The following EXOC6 variants were observed in gnomAD, a reference collection of about 807,000 sequenced individuals.
EXOC6 encodes the protein exocyst complex component 6, also known as SEC15-like 1.
A neutral mutation model predicts 112.5 loss-of-function variants in EXOC6; 60 were observed. The observed-to-expected ratio is 0.53, with a 90% CI of 0.43 to 0.66. EXOC6 has a LOEUF of 0.66. Among genes scored for constraint, EXOC6 ranks in the 30% least tolerant of loss-of-function variants. The probability of loss-of-function intolerance (pLI) is 0.00; values close to 1 mark genes in which losing one functional copy is unlikely to be tolerated. For synonymous variants in EXOC6, 295 were observed against 308.0 expected (o/e 0.96, Z 0.44); for missense variants, 855 against 957.1 (o/e 0.89, Z 1.41).
intron 1 of EXOC6, among the ~76,000 whole-genome samples, chr10:92,886,078 A>G (rs182140705): frequency 9.2e-5 from 14 of 152,314 alleles, no homozygotes; most frequent in Admixed American, 9.2e-4. Flanking sequence ...TTTTGTTAAA[A>G]TTGTTTATTG....
chr10:93,013,209 T>C (rs1223104367), intron 19 of EXOC6, among the ~76,000 whole-genome samples: 1 of 152,154 alleles, frequency 6.6e-6, no homozygotes, highest in East Asian at 1.9e-4. Flanking sequence ...GCTATGTTAG[T>C]AGTATTAAAA....
At position 93,038,378 on chromosome 10, in the gene EXOC6, A is replaced by G. The variant is rs1173580873; in HGVS notation, c.2170-18546A>G. 2.6e-5 allele frequency among the ~76,000 whole-genome samples: 4 copies of G among 152,236 alleles called. No individual in the cohort carries two copies. In the East Asian group the frequency reaches 7.7e-4, roughly 29 times the overall value. On this transcript the variant is annotated intron_variant, in intron 20 of 21. Coordinates refer to ENST00000260762, the MANE Select transcript of EXOC6 (RefSeq NM_019053.6). ...TTCTTTTTGAAAGCAGATTGGCTAC[A>G]CATACAAATAAAAAGAAATGTTTGT...
intron 1 of EXOC6, among the ~76,000 whole-genome samples, chr10:92,854,894 T>C: frequency 6.6e-6 from 1 of 151,928 alleles, no homozygotes; most frequent in South Asian, 2.1e-4. Flanking sequence ...TTGAGATGAG[T>C]ATTTGGGTTT....
intron 1 of EXOC6, among the ~76,000 whole-genome samples, chr10:92,881,959 G>T (rs1564797878): frequency 6.6e-6 from 1 of 152,108 alleles, no homozygotes; most frequent in Non-Finnish European, 1.5e-5. Context: ...CCCAAGACAT[G>T]TGGAACTGTG....
chr10:92,970,492 C>A (rs1026401931), intron 17 of EXOC6, among the ~76,000 whole-genome samples: 5 of 152,190 alleles, frequency 3.3e-5, no homozygotes, highest in Admixed American at 6.5e-5. Flanking sequence ...CGGAACCAAT[C>A]TCTTACCAGA....
At chr10:92,896,946 C>T (rs1321940367) in intron 4 of EXOC6, among the ~76,000 whole-genome samples, 3 of 151,966 alleles carry the variant, frequency 2.0e-5, no homozygotes, top group Non-Finnish European at 2.9e-5. Context: ...GGTATATTTA[C>T]GTAAAAACTT....
chr10:92,910,683 CA>C (rs1460203165), intron 6 of EXOC6, among the ~76,000 whole-genome samples: 1 of 152,142 alleles, frequency 6.6e-6, no homozygotes, highest in Non-Finnish European at 1.5e-5. Flanking sequence ...GTAATCCCAG[CA>C]CTTTGGGAGG....
At chr10:92,940,183 G>T (rs978654831) in intron 12 of EXOC6, among the ~76,000 whole-genome samples, 3 of 152,130 alleles carry the variant, frequency 2.0e-5, no homozygotes, top group Admixed American at 6.6e-5. Context: ...GGAGAATTCT[G>T]TGAGGTGAGA....
intron 1 of EXOC6, among the ~76,000 whole-genome samples, chr10:92,859,236 T>C (rs1245039358): frequency 6.6e-6 from 1 of 152,224 alleles, no homozygotes; most frequent in African/African-American, 2.4e-5. Flanking sequence ...GTTTGTGTGC[T>C]TGTTTAGTGG....
intron 1 of EXOC6, among the ~76,000 whole-genome samples, chr10:92,865,362 C>T (rs1052007170): frequency 3.1e-4 from 47 of 152,006 alleles, no homozygotes; most frequent in Non-Finnish European, 6.0e-4. Context: ...GGTGAAACCC[C>T]GTCTCTACTA....
intron 18 of EXOC6, among the ~76,000 whole-genome samples, chr10:92,976,236 G>A (rs1286240061): frequency 1.3e-5 from 2 of 152,222 alleles, no homozygotes; most frequent in Non-Finnish European, 2.9e-5. Context: ...TAGAAAGGGG[G>A]GAAAGGTGGG....
rs1296139044 is a variant in EXOC6 at position 92,955,591 on chromosome 10, C to T, written c.1650C>T (p.Ile550=). The T allele has an allele frequency of 6.2e-7, 1 of 1,609,994 alleles. No individual in the cohort carries two copies. Among genetic ancestry groups the T allele is most frequent in the Admixed American group, 1.7e-5 (1 of 59,652 alleles). ...PHIGLTELVQ[I]IINTTHLEQA... is the part of the protein sequence containing the mutation. ...CTTGTGTTTTCTAGCTGGTACAAAT[C>T]ATCATAAACACAACACACCTGGAGC... is the stretch of plus-strand genomic sequence containing the variant. The change falls in exon 17 of 22, where the codon ATC becomes ATT. Residue 550 remains isoleucine, a synonymous_variant. Coordinates refer to ENST00000260762, the MANE Select transcript of EXOC6 (RefSeq NM_019053.6).
At chr10:92,841,260 C>T (rs960420325) in intron 1 of EXOC6, among the ~76,000 whole-genome samples, 5 of 152,178 alleles carry the variant, frequency 3.3e-5, no homozygotes, top group Non-Finnish European at 7.3e-5. Flanking sequence ...ATTCAACTCT[C>T]GACTTCTCTG....
intron 13 of EXOC6, among the ~76,000 whole-genome samples, chr10:92,943,165 C>G (rs1852767732): frequency 6.6e-6 from 1 of 151,750 alleles, no homozygotes; most frequent in African/African-American, 2.4e-5. Flanking sequence ...ACTACAGGCG[C>G]CCACCACCAC....
intron 1 of EXOC6, among the ~76,000 whole-genome samples, chr10:92,859,647 C>A (rs1484347985): frequency 6.6e-6 from 1 of 152,096 alleles, no homozygotes; most frequent in Non-Finnish European, 1.5e-5. Context: ...CCTGTGGGTT[C>A]CCCAGAAGTC....
chr10:93,052,331 A>G (rs1846336255), intron 20 of EXOC6, among the ~76,000 whole-genome samples: 1 of 152,190 alleles, frequency 6.6e-6, no homozygotes, highest in Admixed American at 6.5e-5. Flanking sequence ...AGGATGGGAA[A>G]CTGTCAGCAA....
chr10:93,038,367 A>G (rs534312164), intron 20 of EXOC6, among the ~76,000 whole-genome samples: 2 of 152,340 alleles, frequency 1.3e-5, no homozygotes, highest in African/African-American at 4.8e-5. Flanking sequence ...TTTTGAAAGC[A>G]GATTGGCTAC....
At chr10:92,974,289 G>A (rs1006654753) in intron 18 of EXOC6, 57 bp downstream of exon 18, 36 of 1,254,024 alleles carry the variant, frequency 2.9e-5, no homozygotes, top group Non-Finnish European at 3.8e-5. Flanking sequence ...GTATATTTTA[G>A]AATTTAGTTT....
intron 20 of EXOC6, among the ~76,000 whole-genome samples, chr10:93,047,254 G>A (rs556753122): frequency 1.3e-5 from 2 of 152,128 alleles, no homozygotes; most frequent in Admixed American, 6.5e-5. Flanking sequence ...AGTTGGGAGA[G>A]GGCCAGGCAC....
Sources: gnomAD v4.1 joint callset for allele counts (sites outside exome capture counted in the v4.1 genomes callset) on GRCh38, gnomAD v4.1.1 for gene constraint, MANE v1.5 for transcripts, NCBI Gene and HGNC (gene_info 2026-07-23, HGNC 2026-07-21) for gene names.